KIAA0586: variants seen among roughly 807,000 people sequenced by gnomAD.
The protein encoded by KIAA0586 is protein TALPID3.
A neutral mutation model predicts 169.8 loss-of-function variants in KIAA0586; 144 were observed. That is an observed-to-expected ratio of 0.85 (90% CI 0.74 to 0.97). The LOEUF (loss-of-function observed/expected upper bound fraction) is 0.97. Among genes scored for constraint, KIAA0586 ranks in the 50% least tolerant of loss-of-function variants. The pLI is 0.00. For missense variants in KIAA0586, 1,854 were observed against 1,823.0 expected, an observed-to-expected ratio of 1.02 and a Z score of -0.31; for synonymous variants, 625 against 612.4, an observed-to-expected ratio of 1.02 and a Z score of -0.30.
chr14:58,474,801 AG>A lies in KIAA0586; in HGVS notation c.2825+5del, dbSNP rs746701050. 12 of 1,580,140 alleles carry A rather than the reference AG, an allele frequency of 7.6e-6. No homozygotes were observed. The highest frequency in any genetic ancestry group is 1.0e-5 in the Non-Finnish European group (12 of 1,158,388). ...TGGAAAATAGCTTAATTCAATGGTA[AG>A]TTTATAATGTTTTTGGTATGAATAG... On this transcript the variant is annotated splice_donor_5th_base_variant and intron_variant, in intron 19 of 30. Coordinates refer to ENST00000652326, the MANE Select transcript of KIAA0586 (RefSeq NM_001329943.3).
chr14:58,468,005 C>A, intron 16 of KIAA0586, 83 bp downstream of exon 16: 1 of 774,938 alleles, frequency 1.3e-6, no homozygotes, highest in Non-Finnish European at 2.0e-6. Flanking sequence ...CATTATATTG[C>A]TTCATAAAAA....
At chr14:58,457,424 C>A (rs924396789) in intron 10 of KIAA0586, among the ~76,000 whole-genome samples, 6 of 152,092 alleles carry the variant, frequency 3.9e-5, no homozygotes, top group African/African-American at 1.4e-4. Flanking sequence ...TGTGCCACCA[C>A]ACCTGGCTAA....
At chr14:58,487,834 G>T in intron 22 of KIAA0586, 53 bp from the exon 23 acceptor site, 1 of 1,172,936 alleles carries the variant, frequency 8.5e-7, no homozygotes, top group South Asian at 1.3e-5. Context: ...CCATCCTATG[G>T]AGTTCTTTAC....
At chr14:58,514,057 G>A (rs2044581265) in intron 29 of KIAA0586, among the ~76,000 whole-genome samples, 1 of 152,038 alleles carries the variant, frequency 6.6e-6, no homozygotes, top group Non-Finnish European at 1.5e-5. Flanking sequence ...ATAAATACCA[G>A]TGGGCTATAA....
intron 25 of KIAA0586, 71 bp from the exon 26 acceptor site, chr14:58,492,073 A>G: frequency 8.0e-7 from 1 of 1,251,854 alleles, no homozygotes; most frequent in Non-Finnish European, 1.1e-6. Context: ...GTTTTTATTA[A>G]TCTTAAATTG....
Position 58,488,056 on chromosome 14 carries a change from A to T in KIAA0586, c.3474A>T (p.Pro1158=). 1 of 1,610,572 alleles carries T rather than the reference A, an allele frequency of 6.2e-7. No homozygotes were observed. The highest frequency in any genetic ancestry group is 8.5e-7 in the Non-Finnish European group (1 of 1,178,418). ...LPKPWGDGDL[P]LEEENPNSPQ... is the part of the protein sequence containing the mutation. Reference sequence around the variant, plus strand: ...AGCCATGGGGTGATGGAGACCTGCCACTGGAAGAAGAGAACCCTAACTCAC... The same window carrying T: ...AGCCATGGGGTGATGGAGACCTGCCTCTGGAAGAAGAGAACCCTAACTCAC... The change falls in exon 23 of 31, where the codon CCA becomes CCT. Residue 1158 remains proline, a synonymous_variant. Transcript: ENST00000652326.
chr14:58,509,792 A>G (rs574886847), intron 28 of KIAA0586, among the ~76,000 whole-genome samples: 3 of 152,362 alleles, frequency 2.0e-5, no homozygotes, highest in South Asian at 2.1e-4. Flanking sequence ...TTTCTGGGAT[A>G]TGATACCAAA....
At chr14:58,436,722 C>T (rs927222474) in intron 4 of KIAA0586, among the ~76,000 whole-genome samples, 1 of 152,066 alleles carries the variant, frequency 6.6e-6, no homozygotes, top group Admixed American at 6.5e-5. Context: ...ATTAAGGATA[C>T]ATCCATATAG....
Position 58,467,725 on chromosome 14 carries a change from A to C in KIAA0586, c.2255-10A>C. ...ACTAGTTGACTTATTTTTTCTCCTA[A>C]ACTTCTTAGGACAAACCCAAAGTAA... On this transcript the variant is annotated splice_polypyrimidine_tract_variant and intron_variant, in intron 15 of 30. Transcript: ENST00000652326. 1 of 1,583,426 alleles carries C rather than the reference A, an allele frequency of 6.3e-7. No individual in the cohort carries two copies. Among genetic ancestry groups the C allele is most frequent in the Non-Finnish European group, 8.6e-7 (1 of 1,167,270 alleles).
In KIAA0586 at chr14:58,474,725, T is replaced by C. The variant is rs1388450585; in HGVS notation, c.2753T>C (p.Phe918Ser). ...GPPFPPVAST[F>S]QPTADILDKV... Reference sequence around the variant, plus strand: ...CCATTTCCGCCAGTTGCTTCTACTTTTCAGCCCACTGCTGATATTCTGGAT... The same window carrying C: ...CCATTTCCGCCAGTTGCTTCTACTTCTCAGCCCACTGCTGATATTCTGGAT... Residue 918 changes from phenylalanine (F) to serine (S), a missense_variant, in exon 19 of 31, where the codon TTT (phenylalanine) becomes TCT (serine). Physicochemically the swap from Phe to Ser is radical, Grantham distance 155 (BLOSUM62 -2). Transcript: ENST00000652326. The C allele has an allele frequency of 6.2e-7, 1 of 1,613,544 alleles. No homozygotes were observed. Among genetic ancestry groups the C allele is most frequent in the South Asian group, 1.1e-5 (1 of 91,026 alleles).
At chr14:58,479,510 G>C (rs2041882993) in intron 20 of KIAA0586, among the ~76,000 whole-genome samples, 1 of 152,114 alleles carries the variant, frequency 6.6e-6, no homozygotes, top group East Asian at 1.9e-4. Flanking sequence ...AAGACAAAAA[G>C]ATTGATTTTG....
At chr14:58,540,939 G>C (rs990468366) in intron 30 of KIAA0586, among the ~76,000 whole-genome samples, 6 of 152,206 alleles carry the variant, frequency 3.9e-5, no homozygotes, top group Non-Finnish European at 8.8e-5. Flanking sequence ...TATGTGAGGA[G>C]AATTGAATAC....
chr14:58,485,244 G>A (rs1038970960), intron 21 of KIAA0586, among the ~76,000 whole-genome samples: 4 of 151,432 alleles, frequency 2.6e-5, no homozygotes, highest in Non-Finnish European at 5.9e-5. Context: ...TTTTAAAATG[G>A]TCAGAGGACA....
intron 29 of KIAA0586, among the ~76,000 whole-genome samples, chr14:58,523,412 C>T (rs2045359069): frequency 6.6e-6 from 1 of 152,084 alleles, no homozygotes; most frequent in Non-Finnish European, 1.5e-5. Context: ...TCAGCCCCTT[C>T]ATTGTTCTTA....
intron 29 of KIAA0586, chr14:58,537,354 C>G (rs977138683): frequency 5.5e-6 from 1 of 181,236 alleles, no homozygotes; most frequent in African/African-American, 2.4e-5. Flanking sequence ...ATTTATGTAC[C>G]CTTCCTTTAG....
At chr14:58,428,751 T>A (rs1355617848) in intron 1 of KIAA0586, among the ~76,000 whole-genome samples, 2 of 151,870 alleles carry the variant, frequency 1.3e-5, no homozygotes, top group African/African-American at 4.8e-5. Flanking sequence ...TAATGTGCTT[T>A]ATTTTCCCCC....
chr14:58,478,912 G>C (rs1475745567), intron 20 of KIAA0586, among the ~76,000 whole-genome samples: 2 of 152,128 alleles, frequency 1.3e-5, no homozygotes, highest in Non-Finnish European at 2.9e-5. Flanking sequence ...TGTAGTAATA[G>C]TATAATGTAT....
rs1215786868 is a variant in KIAA0586, at chr14:58,461,135, A to G, written c.2034A>G (p.Arg678=). The change falls in exon 14 of 31, where the codon AGA becomes AGG. Residue 678 remains arginine, a synonymous_variant. Transcript: ENST00000652326. Reference sequence around the variant, plus strand: ...CATCTCCTAAGTCCAGACCACAGAGACCAAAAGTAATAGAACGAGTTAAAG... The same window carrying G: ...CATCTCCTAAGTCCAGACCACAGAGGCCAAAAGTAATAGAACGAGTTAAAG... ...NSPSPKSRPQ[R]PKVIERVKGT... 4.4e-6 allele frequency: 7 copies of G among 1,591,986 alleles called. No individual in the cohort carries two copies. Among genetic ancestry groups the G allele is most frequent in the Non-Finnish European group, 6.0e-6 (7 of 1,172,352 alleles).
chr14:58,542,401 C>G (rs894710369), intron 30 of KIAA0586, among the ~76,000 whole-genome samples: 1 of 151,592 alleles, frequency 6.6e-6, no homozygotes, highest in African/African-American at 2.4e-5. Context: ...CGCTTGATCC[C>G]GGGAGGTGGA....
Sources: allele counts gnomAD v4.1 joint callset (sites outside exome capture counted in the v4.1 genomes callset), GRCh38; gene constraint gnomAD v4.1.1; transcripts MANE v1.5; gene names NCBI Gene and HGNC (gene_info 2026-07-23, HGNC 2026-07-21).